Variants in RAB27A observed in about 807,000 individuals in gnomAD.
The protein encoded by RAB27A is ras-related protein Rab-27A.
In RAB27A, 17 loss-of-function variants were observed where a neutral mutation model predicts 20.8. That is an observed-to-expected ratio of 0.82 (90% CI 0.56 to 1.23). RAB27A has a LOEUF of 1.23. Ranked by LOEUF, RAB27A falls within the 50% of genes most tolerant of loss-of-function variation. The probability of loss-of-function intolerance (pLI) is 0.00; values close to 1 mark genes in which losing one functional copy is unlikely to be tolerated. For missense variants in RAB27A, 277 were observed against 266.7 expected (o/e 1.04, Z -0.27); for synonymous variants, 85 against 92.8 (o/e 0.92, Z 0.48).
chr15:55,236,724 T>C (rs896930267), intron 2 of RAB27A, among the ~76,000 whole-genome samples: 2 of 152,286 alleles, frequency 1.3e-5, no homozygotes, highest in African/African-American at 4.8e-5. Context: ...ATTTTATTGA[T>C]ACATAATATT....
At position 55,296,769 on chromosome 15, in the gene RAB27A, G is replaced by A. The variant is rs115163176; in HGVS notation, c.-112+17270C>T. Among the ~76,000 whole-genome samples, 1,181 of 151,954 alleles carry A rather than the reference G, an allele frequency of 7.8e-3. 14 individuals are homozygous for A. The highest frequency in any genetic ancestry group is 0.027 in the African/African-American group (1,132 of 41,432). On this transcript the variant is annotated intron_variant, in intron 2 of 5. Transcript: ENST00000563262. ...CTGCTGCTGCCTATTCCCTACCGCCGGTCCCATGGTCCCTGCCCAGCTTTG... is the reference window on the plus strand; with the variant it reads ...CTGCTGCTGCCTATTCCCTACCGCCAGTCCCATGGTCCCTGCCCAGCTTTG...
chr15:55,319,054 G>A (rs1240200656), exon 1 of RAB27A: 1 of 625,830 alleles, frequency 1.6e-6, no homozygotes, highest in East Asian at 3.0e-5. Context: ...CCAAAGGCGA[G>A]TAGCAATCCC....
At chr15:55,298,500 A>G (rs1225361597) in intron 2 of RAB27A, among the ~76,000 whole-genome samples, 1 of 152,176 alleles carries the variant, frequency 6.6e-6, no homozygotes, top group Admixed American at 6.5e-5. Context: ...AAAGTAATAG[A>G]ATATCACAAG....
At chr15:55,250,361 C>T (rs1595715818) in intron 2 of RAB27A, among the ~76,000 whole-genome samples, 1 of 152,158 alleles carries the variant, frequency 6.6e-6, no homozygotes, top group Admixed American at 6.6e-5. Context: ...TTTACTTATG[C>T]TACTTTGTTA....
At chr15:55,303,748 G>A in intron 2 of RAB27A, among the ~76,000 whole-genome samples, 1 of 136,830 alleles carries the variant, frequency 7.3e-6, no homozygotes. Flanking sequence ...GAAGTGAGGA[G>A]CCCCTCTGCC....
chr15:55,217,787 G>C (rs1250202421), intron 6 of RAB27A, among the ~76,000 whole-genome samples: 1 of 150,628 alleles, frequency 6.6e-6, no homozygotes, highest in Non-Finnish European at 1.5e-5. Context: ...CACCACCATG[G>C]AGCCGTATTG....
intron 1 of RAB27A, among the ~76,000 whole-genome samples, chr15:55,282,626 C>T (rs1184737830): frequency 1.3e-5 from 2 of 152,106 alleles, no homozygotes; most frequent in African/African-American, 2.4e-5. Flanking sequence ...CTGGCAGCTG[C>T]GAGCTTATCG....
At chr15:55,304,526 C>T (rs1207229974) in intron 2 of RAB27A, among the ~76,000 whole-genome samples, 1 of 152,082 alleles carries the variant, frequency 6.6e-6, no homozygotes, top group African/African-American at 2.4e-5. Flanking sequence ...TCCATCCCCC[C>T]TTCATTCAAC....
At chr15:55,226,398 G>A (rs1895796469) in intron 5 of RAB27A, among the ~76,000 whole-genome samples, 1 of 152,148 alleles carries the variant, frequency 6.6e-6, no homozygotes, top group African/African-American at 2.4e-5. Context: ...CAAAGGGAAA[G>A]GGGAGGGTAT....
At chr15:55,316,157 AGGC>A (rs1230699377) in intron 1 of RAB27A, among the ~76,000 whole-genome samples, 2 of 147,544 alleles carry the variant, frequency 1.4e-5, no homozygotes, top group East Asian at 4.1e-4. Context: ...TGAACCTGGG[AGGC>A]GGAGGCAGAG....
intron 1 of RAB27A, among the ~76,000 whole-genome samples, chr15:55,278,864 A>G (rs1311307986): frequency 6.6e-6 from 1 of 152,212 alleles, no homozygotes; most frequent in African/African-American, 2.4e-5. Flanking sequence ...TTCTAAGCCA[A>G]GTCATTCACT....
chr15:55,296,776 T>C (rs1343168691), intron 2 of RAB27A, among the ~76,000 whole-genome samples: 28 of 152,132 alleles, frequency 1.8e-4, no homozygotes, highest in Admixed American at 1.7e-3. Flanking sequence ...GCCGGTCCCA[T>C]GGTCCCTGCC....
intron 1 of RAB27A, among the ~76,000 whole-genome samples, chr15:55,316,244 A>G (rs925563719): frequency 6.6e-6 from 1 of 151,948 alleles, no homozygotes; most frequent in African/African-American, 2.4e-5. Context: ...CAAAAAAAAA[A>G]AAAAAAAAAG....
At chr15:55,285,115 G>C (rs1898113572) in intron 1 of RAB27A, among the ~76,000 whole-genome samples, 1 of 152,092 alleles carries the variant, frequency 6.6e-6, no homozygotes, top group Non-Finnish European at 1.5e-5. Context: ...TAATGTATAA[G>C]ATATAGGAAA....
intron 6 of RAB27A, among the ~76,000 whole-genome samples, chr15:55,209,754 G>A (rs1054205811): frequency 7.3e-6 from 1 of 137,242 alleles, no homozygotes; most frequent in African/African-American, 3.2e-5. Flanking sequence ...ATATATATGT[G>A]TATGTGTGTA....
intron 6 of RAB27A, among the ~76,000 whole-genome samples, chr15:55,220,583 T>G (rs1199760593): frequency 6.6e-6 from 1 of 152,146 alleles, no homozygotes; most frequent in African/African-American, 2.4e-5. Context: ...AGTGATCTGT[T>G]TTTATGAATT....
intron 2 of RAB27A, among the ~76,000 whole-genome samples, chr15:55,313,206 A>G (rs1427287959): frequency 6.6e-6 from 1 of 152,228 alleles, no homozygotes; most frequent in Non-Finnish European, 1.5e-5. Flanking sequence ...GCTTGAGTCC[A>G]GGGGATTAAG....
chr15:55,263,892 G>C (rs1261143447), intron 2 of RAB27A, among the ~76,000 whole-genome samples: 1 of 152,126 alleles, frequency 6.6e-6, no homozygotes, highest in Non-Finnish European at 1.5e-5. Flanking sequence ...TTACACAAAA[G>C]AAACAAATCA....
At chr15:55,236,463 A>G (rs1227245674) in intron 2 of RAB27A, among the ~76,000 whole-genome samples, 1 of 152,114 alleles carries the variant, frequency 6.6e-6, no homozygotes, top group Non-Finnish European at 1.5e-5. Flanking sequence ...GGGCTCGCTT[A>G]CCTATGTTTA....
Sources: allele counts gnomAD v4.1 joint callset (sites outside exome capture counted in the v4.1 genomes callset), GRCh38; gene constraint gnomAD v4.1.1; transcripts MANE v1.5; gene names NCBI Gene and HGNC (gene_info 2026-07-23, HGNC 2026-07-21).